The following NCR1 variants were observed in gnomAD, a reference collection of about 807,000 sequenced individuals.
NCR1 encodes the protein NK cell-activating receptor.
In NCR1, 30 loss-of-function variants were observed where a neutral mutation model predicts 32.5. The ratio of observed to expected loss-of-function variants is 0.92; its 90% confidence interval spans 0.69 to 1.25. NCR1 has a LOEUF of 1.25. NCR1 is among the 50% of genes most tolerant of loss of function. The pLI is 0.00. For missense variants in NCR1, 369 were observed against 380.7 expected, an observed-to-expected ratio of 0.97 and a Z score of 0.26; for synonymous variants, 169 against 143.4, an observed-to-expected ratio of 1.18 and a Z score of -1.28.
At chr19:54,901,281 A>G (rs2067295727), upstream of NCR1, among the ~76,000 whole-genome samples, 1 of 148,214 alleles carries the variant, frequency 6.7e-6, no homozygotes, top group African/African-American at 2.5e-5. Flanking sequence ...GAATGGCATA[A>G]ACCCCGGAGG....
At chr19:54,936,233 T>C in the NCR1 span, 1 of 1,605,786 alleles carries the variant, frequency 6.2e-7, no homozygotes, top group Non-Finnish European at 8.5e-7. Context: ...CTCCAGGTGC[T>C]GGGGAGAGCC....
upstream of NCR1, among the ~76,000 whole-genome samples, chr19:54,903,303 T>C (rs914899092): frequency 6.9e-4 from 98 of 141,362 alleles, 7 homozygotes; most frequent in Admixed American, 3.8e-4. Flanking sequence ...CACATATACG[T>C]ATATGTATAC....
chr19:54,924,819 C>A, the NCR1 span, among the ~76,000 whole-genome samples: 4 of 152,030 alleles, frequency 2.6e-5, no homozygotes, highest in Non-Finnish European at 5.9e-5. Context: ...AACTGTAATA[C>A]CAGCTACTCA....
chr19:54,899,992 G>C, the NCR1 span, among the ~76,000 whole-genome samples: 1 of 152,200 alleles, frequency 6.6e-6, no homozygotes, highest in Non-Finnish European at 1.5e-5. Context: ...GTGGTTGAGG[G>C]ATAGTGAGAG....
chr19:54,916,148 G>A (rs368005117), downstream of NCR1: 3 of 151,798 alleles, frequency 2.0e-5, no homozygotes, highest in East Asian at 3.9e-4. Context: ...CTATGTGTGT[G>A]TATCACACCC....
At chr19:54,913,123 G>C (rs1409542095), downstream of NCR1, 1 of 333,664 alleles carries the variant, frequency 3.0e-6, no homozygotes, top group African/African-American at 2.1e-5. Context: ...CGCGATCTTG[G>C]CTCACTGCAA....
At chr19:54,930,576 A>G in the NCR1 span, 1 of 1,612,148 alleles carries the variant, frequency 6.2e-7, no homozygotes, top group Admixed American at 1.7e-5. Context: ...TCTGGTTGAT[A>G]CTCAAGTCCA....
At chr19:54,907,948 G>A (rs368087097) in intron 3 of NCR1, among the ~76,000 whole-genome samples, 1 of 151,322 alleles carries the variant, frequency 6.6e-6, no homozygotes, top group Admixed American at 6.6e-5. Context: ...TTGTTTGGAG[G>A]TTCTGGCAGG....
At chr19:54,937,991 A>T in the NCR1 span, 2 of 1,387,408 alleles carry the variant, frequency 1.4e-6, no homozygotes, top group Non-Finnish European at 2.1e-6. Context: ...ACAAAAGTAC[A>T]AGAAGCTTAG....
At chr19:54,930,380 C>A in the NCR1 span, 1 of 726,346 alleles carries the variant, frequency 1.4e-6, no homozygotes, top group South Asian at 1.5e-5. Context: ...GAGAACCGAT[C>A]AAGCCTGGAA....
At chr19:54,918,540 A>T (rs1569538178), downstream of NCR1, among the ~76,000 whole-genome samples, 1 of 151,942 alleles carries the variant, frequency 6.6e-6, no homozygotes, top group Non-Finnish European at 1.5e-5. Flanking sequence ...TCCCAAAGTG[A>T]TGAGATTACA....
At chr19:54,934,614 G>C in the NCR1 span, 6 of 1,613,914 alleles carry the variant, frequency 3.7e-6, no homozygotes, top group South Asian at 1.1e-5. This position sits in a 1 kb window ranked among gnomAD's most constrained non-coding sequence, Gnocchi z 6.7. Context: ...TGAGGACATA[G>C]AAGAATTCAG....
intron 5 of NCR1, 150 bp from the exon 6 acceptor site, chr19:54,912,018 A>G (rs2068000828): frequency 4.3e-6 from 3 of 699,324 alleles, no homozygotes; most frequent in East Asian, 2.5e-5. Context: ...GGACCCTTCC[A>G]CTTTACCTGC....
the NCR1 span, among the ~76,000 whole-genome samples, chr19:54,921,429 G>T: frequency 6.6e-6 from 1 of 152,138 alleles, no homozygotes; most frequent in Non-Finnish European, 1.5e-5. Context: ...GCCTTCATGG[G>T]ATCATTCAGT....
At chr19:54,922,983 C>G in the NCR1 span, among the ~76,000 whole-genome samples, 3 of 150,398 alleles carry the variant, frequency 2.0e-5, no homozygotes, top group Admixed American at 6.7e-5. Context: ...GAGAGAGAGA[C>G]ACATACACAC....
chr19:54,926,761 CA>C, the NCR1 span, among the ~76,000 whole-genome samples: 12 of 150,962 alleles, frequency 7.9e-5, no homozygotes, highest in Admixed American at 7.9e-4. Flanking sequence ...ACTAAAAATA[CA>C]AAAATTAGCT....
chr19:54,914,164 C>CTT (rs533441878), downstream of NCR1, among the ~76,000 whole-genome samples: 15 of 124,096 alleles, frequency 1.2e-4, no homozygotes, highest in Non-Finnish European at 2.3e-4. Flanking sequence ...TCTTCTCTTC[C>CTT]TTTTTTTTTT....
chr19:54,933,542 A>G, the NCR1 span: 2 of 1,608,320 alleles, frequency 1.2e-6, no homozygotes, highest in Non-Finnish European at 1.7e-6. Flanking sequence ...TCATGTGCAC[A>G]CACACACACA....
chr19:54,899,813 CAG>C, the NCR1 span, among the ~76,000 whole-genome samples: 2 of 152,126 alleles, frequency 1.3e-5, no homozygotes, highest in Non-Finnish European at 2.9e-5. Flanking sequence ...GGTGAATAAT[CAG>C]AGAGGTGTCC....
Sources: gnomAD v4.1 joint callset for allele counts (sites outside exome capture counted in the v4.1 genomes callset) on GRCh38, gnomAD v4.1.1 for gene constraint, Gnocchi (gnomAD v3.1) non-coding constraint, MANE v1.5 for transcripts, NCBI Gene and HGNC (gene_info 2026-07-23, HGNC 2026-07-21) for gene names.